TCF12: variants seen among roughly 807,000 people sequenced by gnomAD.
The protein encoded by TCF12 is DNA-binding protein HTF4.
A neutral mutation model predicts 86.0 loss-of-function variants in TCF12; 45 were observed. The ratio of observed to expected loss-of-function variants is 0.52; its 90% confidence interval spans 0.41 to 0.67. TCF12 has a LOEUF of 0.67. Among genes scored for constraint, TCF12 ranks in the 30% least tolerant of loss-of-function variants. The pLI, the probability that TCF12 is intolerant of heterozygous loss-of-function variation, is 0.00. For missense variants in TCF12, 881 were observed against 859.9 expected, an observed-to-expected ratio of 1.02 and a Z score of -0.31; for synonymous variants, 330 against 299.6, an observed-to-expected ratio of 1.10 and a Z score of -1.05.
At chr15:57,110,064 C>A (rs747279505) in intron 5 of TCF12, among the ~76,000 whole-genome samples, 1 of 152,084 alleles carries the variant, frequency 6.6e-6, no homozygotes, top group African/African-American at 2.4e-5. Context: ...AAAAATGACT[C>A]CTAAATTACC....
intron 16 of TCF12, among the ~76,000 whole-genome samples, chr15:57,254,186 T>G (rs1470691195): frequency 2.0e-5 from 3 of 152,214 alleles, no homozygotes; most frequent in Non-Finnish European, 2.9e-5. Flanking sequence ...TAAGGTTCAT[T>G]GCATGCTGTG....
In TCF12 at chr15:56,962,903, C is replaced by A. The variant is rs143565574; in HGVS notation, c.148+41805C>A. Among the ~76,000 whole-genome samples the A allele has an allele frequency of 2.6e-3, 391 of 151,966 alleles. 2 individuals are homozygous for A. The highest frequency in any genetic ancestry group is 0.017 in the Middle Eastern group (5 of 294). On this transcript the variant is annotated intron_variant, in intron 3 of 20. Transcript: ENST00000333725. ...TTAATGACTTTATTGTAGCCTGTGT[C>A]TAGACTGTTGATTTGATGAAGTTTA...
intron 5 of TCF12, among the ~76,000 whole-genome samples, chr15:57,139,603 C>A (rs1189682969): frequency 6.0e-5 from 8 of 133,688 alleles, no homozygotes; most frequent in African/African-American, 2.7e-4. Context: ...AGGTTCCTAG[C>A]CATCACCTTT....
chr15:57,059,566 CAAATGGGCAG>C (rs1340902797), intron 3 of TCF12, among the ~76,000 whole-genome samples: 1 of 152,018 alleles, frequency 6.6e-6, no homozygotes, highest in Non-Finnish European at 1.5e-5. Flanking sequence ...CTGGTAGTGG[CAAATGGGCAG>C]AGAAGGAACT....
chr15:57,092,510 C>T (rs997746888), intron 5 of TCF12, among the ~76,000 whole-genome samples: 3 of 152,142 alleles, frequency 2.0e-5, no homozygotes, highest in Non-Finnish European at 4.4e-5. Context: ...CAAAACACCC[C>T]TCCTTTCCTT....
rs190604009 is a variant in TCF12 at position 57,015,098 on chromosome 15, G to T, written c.149-48652G>T. 1.0e-3 allele frequency among the ~76,000 whole-genome samples: 153 copies of T among 151,998 alleles called. 2 individuals carry two copies. Among genetic ancestry groups the T allele is most frequent in the African/African-American group, 3.4e-3 (140 of 41,442 alleles). On this transcript the variant is annotated intron_variant, in intron 3 of 20. Coordinates refer to ENST00000333725, the MANE Select transcript of TCF12 (RefSeq NM_207037.2). ...GGGCTCAGGAGTTCAAGACTAGCCT[G>T]GCCAACATGGCGAAACCCTGTCTCT...
chr15:57,136,303 G>A (rs1051357552), intron 5 of TCF12, among the ~76,000 whole-genome samples: 3 of 152,172 alleles, frequency 2.0e-5, no homozygotes, highest in Admixed American at 1.3e-4. Flanking sequence ...TCTTTGCTGT[G>A]TCAAAAAACA....
chr15:57,025,300 G>A (rs1464331794), intron 3 of TCF12, among the ~76,000 whole-genome samples: 3 of 152,112 alleles, frequency 2.0e-5, no homozygotes, highest in East Asian at 3.9e-4. Flanking sequence ...CGCTGGTCTC[G>A]AATTCCTGAC....
At position 57,251,418 on chromosome 15, in the gene TCF12, T is replaced by A; in HGVS notation, c.1183T>A (p.Ser395Thr). ...CCCAAGCTATGAAAACTCACTCCAC[T>A]CCCTGGTAAGAGCCTCTTATACATC... is the stretch of plus-strand genomic sequence containing the variant. ...SSPSYENSLHSLKNRVEQQLH... is the reference protein window; with the variant it reads ...SSPSYENSLHTLKNRVEQQLH... The change falls in exon 14 of 21, where the codon TCC becomes ACC. Residue 395 changes from serine (S) to threonine (T), a missense_variant. By Grantham distance (58) the Ser-to-Thr change is moderately conservative. Transcript: ENST00000333725. The A allele has an allele frequency of 6.2e-7, 1 of 1,613,852 alleles. No homozygotes were observed. The highest frequency in any genetic ancestry group is 1.1e-5 in the South Asian group (1 of 91,068).
intron 4 of TCF12, among the ~76,000 whole-genome samples, chr15:57,084,841 G>A (rs190094025): frequency 6.6e-6 from 1 of 152,142 alleles, no homozygotes; most frequent in Non-Finnish European, 1.5e-5. Flanking sequence ...GTACATTAAT[G>A]TGAATGTAAT....
intron 3 of TCF12, among the ~76,000 whole-genome samples, chr15:57,000,796 A>T (rs568214388): frequency 6.6e-6 from 1 of 152,128 alleles, no homozygotes; most frequent in South Asian, 2.1e-4. Flanking sequence ...TATTTTTGCC[A>T]CTGAGGTATG....
rs568787072 is a variant in TCF12, at chr15:57,133,092, C to T, written c.326-33310C>T. 1.3e-5 allele frequency among the ~76,000 whole-genome samples: 2 copies of T among 152,280 alleles called. 1 individual carries two copies. Among genetic ancestry groups the T allele is most frequent in the Admixed American group, 1.3e-4 (2 of 15,298 alleles). The stretch of plus-strand genomic sequence containing the variant: ...TCCTTCATACAAGATTACCAACTAC[C>T]ATTTTTACTTTCATCCTCCTTTGTT... On this transcript the variant is annotated intron_variant, in intron 5 of 20. Coordinates refer to ENST00000333725, the MANE Select transcript of TCF12 (RefSeq NM_207037.2).
At chr15:57,185,952 A>C (rs1404107039) in intron 6 of TCF12, among the ~76,000 whole-genome samples, 1 of 152,218 alleles carries the variant, frequency 6.6e-6, no homozygotes, top group Non-Finnish European at 1.5e-5. Flanking sequence ...ACTGAGAAAA[A>C]AAAGAACAGT....
intron 3 of TCF12, among the ~76,000 whole-genome samples, chr15:57,047,704 C>CAGTATAAATATA (rs1484313992): frequency 2.0e-5 from 3 of 152,090 alleles, no homozygotes; most frequent in Non-Finnish European, 4.4e-5. Context: ...AACCTTTTTT[C>CAGTATAAATATA]CTCTTGAATA....
chr15:57,072,516 C>A, intron 4 of TCF12: 1 of 355,842 alleles, frequency 2.8e-6, no homozygotes, highest in Non-Finnish European at 4.4e-6. Flanking sequence ...GATATTTTCT[C>A]AAAATTGTGT....
At chr15:57,069,947 G>T (rs1407948305) in intron 4 of TCF12, among the ~76,000 whole-genome samples, 3 of 152,190 alleles carry the variant, frequency 2.0e-5, no homozygotes, top group African/African-American at 7.2e-5. Context: ...GCTGTCTTGG[G>T]TTCTATTTCT....
At chr15:56,993,581 T>G (rs2063556290) in intron 3 of TCF12, among the ~76,000 whole-genome samples, 1 of 152,156 alleles carries the variant, frequency 6.6e-6, no homozygotes, top group Non-Finnish European at 1.5e-5. Context: ...TAAAGTTCTT[T>G]ATGAATTCCC....
chr15:57,030,683 T>C (rs563500103), intron 3 of TCF12, among the ~76,000 whole-genome samples: 41 of 152,354 alleles, frequency 2.7e-4, no homozygotes, highest in African/African-American at 9.6e-4. Context: ...TTTCAGTTTG[T>C]TTCCGTTTCT....
At chr15:57,119,494 G>A (rs185681618) in intron 5 of TCF12, among the ~76,000 whole-genome samples, 37 of 144,236 alleles carry the variant, frequency 2.6e-4, no homozygotes, top group African/African-American at 8.6e-4. Context: ...TACTAGATAC[G>A]ATACTGTATG....
Sources: allele counts gnomAD v4.1 joint callset (sites outside exome capture counted in the v4.1 genomes callset), GRCh38; gene constraint gnomAD v4.1.1; transcripts MANE v1.5; gene names NCBI Gene and HGNC (gene_info 2026-07-23, HGNC 2026-07-21).